The following SLC6A16 variants were observed in gnomAD, a reference collection of about 807,000 sequenced individuals.
SLC6A16 encodes solute carrier family 6 member 16, also known as orphan sodium- and chloride-dependent neurotransmitter transporter NTT5.
A neutral mutation model predicts 65.4 loss-of-function variants in SLC6A16; 54 were observed. The ratio of observed to expected loss-of-function variants is 0.83; its 90% CI spans 0.66 to 1.04. SLC6A16 has a LOEUF of 1.04. SLC6A16 is among the 50% of genes least tolerant of loss of function. The probability of loss-of-function intolerance (pLI) is 0.00; values close to 1 mark genes in which losing one functional copy is unlikely to be tolerated. For synonymous variants in SLC6A16, 330 were observed against 346.5 expected (o/e 0.95, Z 0.53); for missense variants, 816 against 914.0 (o/e 0.89, Z 1.38).
chr19:49,309,402 C>A lies in SLC6A16; in HGVS notation c.886G>T (p.Val296Phe), dbSNP rs746133272. The change falls in exon 6 of 12, where the codon GTC (valine) becomes TTC (phenylalanine). Residue 296 changes from valine to phenylalanine, a missense_variant. Physicochemically the swap from Val to Phe is conservative, Grantham distance 50. Transcript: ENST00000335875. ...GLKSTGKVIY[V>F]LVLLPCFIIV... ...ATGAAACAGGGGAGCAGTACCAAGACATAGATTACCTGAATCGAGAGTGGG... is the reference window on the plus strand; with the variant it reads ...ATGAAACAGGGGAGCAGTACCAAGAAATAGATTACCTGAATCGAGAGTGGG... 1.2e-6 allele frequency: 2 copies of A among 1,612,232 alleles called. No individual in the cohort carries two copies. The highest frequency in any genetic ancestry group is 3.3e-5 in the Admixed American group (2 of 59,946).
At chr19:49,318,868 A>ATAT in intron 1 of SLC6A16, among the ~76,000 whole-genome samples, 1 of 104,584 alleles carries the variant, frequency 9.6e-6, no homozygotes, top group African/African-American at 3.8e-5. Flanking sequence ...ACAACTGGCT[A>ATAT]TTTTTTTTTT....
chr19:49,338,568 C>T, the SLC6A16 span: 1 of 695,786 alleles, frequency 1.4e-6, no homozygotes, highest in Non-Finnish European at 2.6e-6. This position sits in a 1 kb window ranked among gnomAD's most constrained non-coding sequence, Gnocchi z 5.0. Context: ...CCCCAGCCCA[C>T]TGTCCCCCAC....
the SLC6A16 span, chr19:49,339,198 G>C: frequency 1.2e-6 from 1 of 815,506 alleles, no homozygotes; most frequent in Non-Finnish European, 2.0e-6. This position sits in a 1 kb window ranked among gnomAD's most constrained non-coding sequence, Gnocchi z 4.5. Flanking sequence ...CTAGTAAGGA[G>C]ACTAGAGTGC....
chr19:49,335,724 G>T, the SLC6A16 span: 2 of 1,613,962 alleles, frequency 1.2e-6, no homozygotes. The surrounding 1 kb of genome is among the most constrained non-coding windows in gnomAD (Gnocchi z 4.6). Flanking sequence ...GTCCTCGGCA[G>T]CCTGATCTTC....
At chr19:49,314,106 A>AAATCAT (rs1555777211) in intron 1 of SLC6A16, among the ~76,000 whole-genome samples, 120 of 141,380 alleles carry the variant, frequency 8.5e-4, no homozygotes, top group South Asian at 1.2e-3. Context: ...AAAAAAAAAA[A>AAATCAT]AATCATAATC....
intron 7 of SLC6A16, among the ~76,000 whole-genome samples, chr19:49,306,778 G>A (rs1049794662): frequency 5.9e-5 from 9 of 151,844 alleles, no homozygotes; most frequent in African/African-American, 1.5e-4. Flanking sequence ...TCCTGACCTC[G>A]TGATCCATCT....
At chr19:49,339,260 GA>G in the SLC6A16 span, 2 of 1,437,920 alleles carry the variant, frequency 1.4e-6, no homozygotes, top group South Asian at 1.2e-5. This position sits in a 1 kb window ranked among gnomAD's most constrained non-coding sequence, Gnocchi z 4.5. Context: ...GGGTTGGCCT[GA>G]AAAGAACGCT....
chr19:49,330,656 C>A, the SLC6A16 span, among the ~76,000 whole-genome samples: 27 of 152,210 alleles, frequency 1.8e-4, no homozygotes, highest in African/African-American at 6.5e-4. Context: ...AAAACACAGA[C>A]TGCCAGGCCA....
At chr19:49,325,691 G>A (rs1206191348), upstream of SLC6A16, among the ~76,000 whole-genome samples, 4 of 152,020 alleles carry the variant, frequency 2.6e-5, no homozygotes, top group Admixed American at 1.3e-4. Context: ...CATACTTTCC[G>A]GTCTCTTAAG....
the SLC6A16 span, chr19:49,339,533 G>T: frequency 6.8e-7 from 1 of 1,470,808 alleles, no homozygotes; most frequent in East Asian, 2.3e-5. This position sits in a 1 kb window ranked among gnomAD's most constrained non-coding sequence, Gnocchi z 4.5. Context: ...AGCCCACCCC[G>T]GCCCTCCCGC....
At chr19:49,291,846 G>C (rs1019623476) in intron 10 of SLC6A16, among the ~76,000 whole-genome samples, 4 of 151,664 alleles carry the variant, frequency 2.6e-5, no homozygotes, top group African/African-American at 9.7e-5. Flanking sequence ...TCTCCTCTAG[G>C]CCACCTTCCC....
At position 49,311,037 on chromosome 19, in the gene SLC6A16, G is replaced by T; in HGVS notation, c.311C>A (p.Pro104Gln). 1 of 1,614,190 alleles carries T rather than the reference G, an allele frequency of 6.2e-7. No homozygotes were observed. Among genetic ancestry groups the T allele is most frequent in the Non-Finnish European group, 8.5e-7 (1 of 1,180,042 alleles). The part of the protein sequence containing the change: ...KKESEVLLAR[P>Q]FWSSKTEYIL... ...ATACTCAGTTTTGCTGGACCAGAAC[G>T]GACGGGCAAGGAGGACCTCACTCTC... The change falls in exon 2 of 12, where the codon CCG becomes CAG. Residue 104 changes from proline (P) to glutamine (Q), a missense_variant. Coordinates refer to ENST00000335875, the MANE Select transcript of SLC6A16 (RefSeq NM_014037.3).
chr19:49,294,415 C>A lies in SLC6A16; in HGVS notation c.1368G>T (p.Met456Ile). Residue 456 changes from methionine to isoleucine, a missense_variant, in exon 8 of 12, where the codon ATG becomes ATT. Coordinates refer to ENST00000335875, the MANE Select transcript of SLC6A16 (RefSeq NM_014037.3). ...TGCACTCAGTCACCTCGCGGAGAAC[C>A]ATGCTTTTGATGTGCTGGGGAAGGC... Reference protein sequence around the residue: ...LSGLPQHIKSMVLREVTECNI... With the variant: ...LSGLPQHIKSIVLREVTECNI... 1 of 1,614,142 alleles carries A rather than the reference C, an allele frequency of 6.2e-7. No homozygotes were observed. The highest frequency in any genetic ancestry group is 1.1e-5 in the South Asian group (1 of 91,082).
intron 7 of SLC6A16, among the ~76,000 whole-genome samples, chr19:49,297,422 G>A (rs1970205891): frequency 6.6e-6 from 1 of 152,166 alleles, no homozygotes; most frequent in Non-Finnish European, 1.5e-5. Context: ...AAAGCCTGAT[G>A]TCATCAAGTA....
At chr19:49,310,258 G>T in intron 3 of SLC6A16, 92 bp from the exon 4 acceptor site, 1 of 1,603,620 alleles carries the variant, frequency 6.2e-7, no homozygotes, top group South Asian at 1.1e-5. Context: ...AAAGGGATCT[G>T]ACCCATGGAG....
chr19:49,338,070 C>T, the SLC6A16 span: 1 of 1,604,710 alleles, frequency 6.2e-7, no homozygotes, highest in Non-Finnish European at 8.5e-7. This position sits in a 1 kb window ranked among gnomAD's most constrained non-coding sequence, Gnocchi z 5.0. Context: ...ACTGACCCGC[C>T]TCAGCCCTGT....
At chr19:49,320,759 G>C (rs1970697589) in intron 1 of SLC6A16, among the ~76,000 whole-genome samples, 1 of 152,090 alleles carries the variant, frequency 6.6e-6, no homozygotes, top group African/African-American at 2.4e-5. Context: ...CAATAAACTG[G>C]ATAACCTAGA....
chr19:49,297,613 A>G (rs1970209389), intron 7 of SLC6A16, among the ~76,000 whole-genome samples: 1 of 146,994 alleles, frequency 6.8e-6, no homozygotes, highest in Admixed American at 6.7e-5. Flanking sequence ...ATGAAAACAT[A>G]TGTCCATACA....
the SLC6A16 span, chr19:49,337,994 G>T: frequency 6.2e-7 from 1 of 1,614,006 alleles, no homozygotes; most frequent in Non-Finnish European, 8.5e-7. Context: ...CGAGGAGACC[G>T]CGGCCGAGGA....
Sources: gnomAD v4.1 joint callset for allele counts (sites outside exome capture counted in the v4.1 genomes callset) on GRCh38, gnomAD v4.1.1 for gene constraint, Gnocchi (gnomAD v3.1) non-coding constraint, MANE v1.5 for transcripts, NCBI Gene and HGNC (gene_info 2026-07-23, HGNC 2026-07-21) for gene names.